The following NR2C2 variants were observed in gnomAD, a reference collection of about 807,000 sequenced individuals.
The protein encoded by NR2C2 is Nuclear hormone receptor TR4.
Under a neutral mutation model 62.9 loss-of-function variants are expected in NR2C2, and 6 were observed. The observed-to-expected ratio is 0.10, with a 90% CI of 0.05 to 0.19. NR2C2 has a LOEUF of 0.19. Among genes scored for constraint, NR2C2 ranks in the 10% least tolerant of loss-of-function variants. NR2C2 has a pLI of 1.00. For synonymous variants in NR2C2, 272 were observed against 273.8 expected, an observed-to-expected ratio of 0.99 and a Z score of 0.07; for missense variants, 479 against 762.7, an observed-to-expected ratio of 0.63 and a Z score of 4.38.
intron 1 of NR2C2, among the ~76,000 whole-genome samples, chr3:14,994,546 G>GTTT (rs1358198404): frequency 6.8e-6 from 1 of 147,180 alleles, no homozygotes; most frequent in Non-Finnish European, 1.5e-5. Flanking sequence ...GGGTTTAAGC[G>GTTT]ATTCTTCTGC....
rs1371479067 is a variant in NR2C2 at position 15,017,363 on chromosome 3, T to C, written c.376+1109T>C. On this transcript the variant is annotated intron_variant, in intron 4 of 13. Transcript: ENST00000425241. The stretch of plus-strand genomic sequence containing the variant: ...GCTGCTTGTGATTCTGATTGCCCTT[T>C]CCTACAGATTAATCACTTGTTGCAT... Among the ~76,000 whole-genome samples the C allele has an allele frequency of 3.3e-5, 5 of 152,300 alleles. No individual in the cohort carries two copies. The East Asian group carries it at 9.6e-4, about 29-fold the overall frequency.
At chr3:14,996,853 C>T (rs979332916) in intron 1 of NR2C2, among the ~76,000 whole-genome samples, 10 of 152,220 alleles carry the variant, frequency 6.6e-5, no homozygotes, top group Non-Finnish European at 1.5e-4. Flanking sequence ...TCAGCCACCA[C>T]GCCTGGCTAG....
intron 1 of NR2C2, among the ~76,000 whole-genome samples, chr3:14,987,872 G>C (rs1472284155): frequency 6.6e-6 from 1 of 152,088 alleles, no homozygotes; most frequent in African/African-American, 2.4e-5. Flanking sequence ...TTTGTGTCTT[G>C]TGTTTTTATA....
chr3:15,007,159 G>T (rs1192383215), intron 2 of NR2C2, among the ~76,000 whole-genome samples: 1 of 126,744 alleles, frequency 7.9e-6, no homozygotes, highest in Non-Finnish European at 1.6e-5. Flanking sequence ...GCGGAGTCTC[G>T]CTCTGTCGCC....
In NR2C2 at chr3:15,007,708, C is replaced by A. The variant is rs556885918; in HGVS notation, c.72+3722C>A. 2.2e-4 allele frequency among the ~76,000 whole-genome samples: 33 copies of A among 152,156 alleles called. 4 individuals carry two copies. The highest frequency in any genetic ancestry group is 2.1e-3 in the South Asian group (10 of 4,824). On this transcript the variant is annotated intron_variant, in intron 2 of 13. Transcript: ENST00000425241. Reference sequence around the variant, plus strand: ...CATGGTAAAAAGTCTTGACTTTTTCCTCAGGAGCGATTTGATAAGATGAAA... The same window carrying A: ...CATGGTAAAAAGTCTTGACTTTTTCATCAGGAGCGATTTGATAAGATGAAA...
chr3:14,988,929 T>A (rs1486240530), intron 1 of NR2C2, among the ~76,000 whole-genome samples: 1 of 152,178 alleles, frequency 6.6e-6, no homozygotes, highest in Non-Finnish European at 1.5e-5. Context: ...GTGAATTTAT[T>A]CTCAAATGTT....
intron 3 of NR2C2, among the ~76,000 whole-genome samples, chr3:15,014,943 A>G (rs931661593): frequency 6.6e-6 from 1 of 152,212 alleles, no homozygotes; most frequent in African/African-American, 2.4e-5. Context: ...GGGAGGTTCT[A>G]CTATGAAGAA....
Position 15,013,801 on chromosome 3 carries a change from G to A in NR2C2, c.273+12G>A. On this transcript the variant is annotated intron_variant, in intron 3 of 13. Transcript: ENST00000425241. Reference sequence around the variant, plus strand: ...CTGGCAGGATCCAGGTAAGGCCTTTGGACAGGTATTTGTTTCAGCACTTCT... The same window carrying A: ...CTGGCAGGATCCAGGTAAGGCCTTTAGACAGGTATTTGTTTCAGCACTTCT... 2 of 1,613,768 alleles carry A rather than the reference G, an allele frequency of 1.2e-6. No individual in the cohort carries two copies. The highest frequency in any genetic ancestry group is 1.7e-6 in the Non-Finnish European group (2 of 1,179,696).
rs1290828116 is a variant in NR2C2, at chr3:15,044,922, AATT to A, written c.*1917_*1919del. 9 of 152,274 alleles carry A rather than the reference AATT, an allele frequency of 5.9e-5. No individual in the cohort carries two copies. Among genetic ancestry groups the A allele is most frequent in the African/African-American group, 2.2e-4 (9 of 41,468 alleles). 9.4% of individuals were successfully genotyped at this position (152,274 alleles called of 1,614,324 possible). A position where few individuals can be genotyped will look rare whatever the true frequency, so the allele number is the denominator to read the frequency against. ...AACTTCTAAATTCTTGTTTGGATTT[AATT>A]ATATCATTTTATAATTCTTGCCTTG... On this transcript the variant is annotated 3_prime_UTR_variant, in exon 14 of 14. Transcript: ENST00000425241.
chr3:14,982,503 TTTAAG>T (rs561269367), intron 1 of NR2C2, among the ~76,000 whole-genome samples: 56 of 152,286 alleles, frequency 3.7e-4, no homozygotes, highest in Non-Finnish European at 5.1e-4. Flanking sequence ...TTTCAATTTA[TTTAAG>T]TTTTCTTTGA....
chr3:14,960,750 G>A (rs2039666875), intron 1 of NR2C2, among the ~76,000 whole-genome samples: 1 of 152,134 alleles, frequency 6.6e-6, no homozygotes, highest in African/African-American at 2.4e-5. Context: ...ATTTTTTAAT[G>A]TACAGTACCT....
chr3:14,986,200 A>G (rs959024423), intron 1 of NR2C2, among the ~76,000 whole-genome samples: 1 of 152,152 alleles, frequency 6.6e-6, no homozygotes, highest in Non-Finnish European at 1.5e-5. Context: ...AAAAATCAAT[A>G]TATAATAATA....
chr3:14,983,797 C>A (rs1021666738), intron 1 of NR2C2, among the ~76,000 whole-genome samples: 1 of 152,064 alleles, frequency 6.6e-6, no homozygotes, highest in Non-Finnish European at 1.5e-5. Context: ...ATAAGTTGTA[C>A]CTTCTTCAAA....
intron 2 of NR2C2, among the ~76,000 whole-genome samples, chr3:15,008,328 C>G (rs1180387105): frequency 6.6e-6 from 1 of 151,300 alleles, no homozygotes; most frequent in Non-Finnish European, 1.5e-5. Context: ...TCAAGACCAG[C>G]CTGGGCAACC....
intron 12 of NR2C2, 25 bp from the exon 13 acceptor site, chr3:15,039,097 G>GGA (rs547206377): frequency 1.3e-6 from 2 of 1,538,524 alleles, no homozygotes; most frequent in South Asian, 2.2e-5. Context: ...GAGGGAACTG[G>GGA]GGGGGGGTAC....
At chr3:15,000,814 GTTTTT>G (rs60214973) in intron 1 of NR2C2, among the ~76,000 whole-genome samples, 2 of 127,052 alleles carry the variant, frequency 1.6e-5, no homozygotes, top group African/African-American at 3.0e-5. Flanking sequence ...ATTTATTTAG[GTTTTT>G]TTTTTTTTTT....
At position 15,022,398 on chromosome 3, in the gene NR2C2, C is replaced by CCT. The variant is rs1194260332; in HGVS notation, c.557-802_557-801insCT. Among the ~76,000 whole-genome samples the CCT allele has an allele frequency of 3.0e-3, 266 of 89,130 alleles. 2 individuals are homozygous for CCT. Among genetic ancestry groups the CCT allele is most frequent in the African/African-American group, 9.8e-3 (248 of 25,180 alleles). 58.5% of individuals were successfully genotyped at this position (89,130 alleles called of 152,430 possible). A position where few individuals can be genotyped will look rare whatever the true frequency, so the allele number is the denominator to read the frequency against. ...GGGCATTTCTTTTTTCTTTTTCTTT[C>CCT]TTTTTTTTTTTTTTTTTTTTTTGAG... is the stretch of plus-strand genomic sequence containing the variant. On this transcript the variant is annotated intron_variant, in intron 5 of 13. Coordinates refer to ENST00000425241, the MANE Select transcript of NR2C2 (RefSeq NM_001291694.2).
rs563140882 is a variant in NR2C2, at chr3:15,046,662, C to G, written c.*3654C>G. ...GTTGCCCACTTTCCAGTGTAAATGA[C>G]TTTATGTGCAATGGGGTCATAGGTA... On this transcript the variant is annotated 3_prime_UTR_variant, in exon 14 of 14. Transcript: ENST00000425241. 6.6e-6 allele frequency: 1 copy of G among 152,346 alleles called. No homozygotes were observed. Among genetic ancestry groups the G allele is most frequent in the Admixed American group, 6.5e-5 (1 of 15,276 alleles). The allele number at this position is 152,346 out of a possible 1,614,324, so 9.4% of individuals were successfully genotyped here.
chr3:15,020,749 T>G lies in NR2C2; in HGVS notation c.377-4T>G. 1 of 1,612,754 alleles carries G rather than the reference T, an allele frequency of 6.2e-7. No homozygotes were observed. Among genetic ancestry groups the G allele is most frequent in the South Asian group, 1.1e-5 (1 of 91,020 alleles). ...ATATTTGTGTATTCTTTCTCCTGTT[T>G]CAGGCCGTCACTATGGGGCTGTCAG... On this transcript the variant is annotated splice_polypyrimidine_tract_variant and splice_region_variant and intron_variant, in intron 4 of 13. Coordinates refer to ENST00000425241, the MANE Select transcript of NR2C2 (RefSeq NM_001291694.2).
Sources: allele counts gnomAD v4.1 joint callset (sites outside exome capture counted in the v4.1 genomes callset), GRCh38; gene constraint gnomAD v4.1.1; transcripts MANE v1.5; gene names NCBI Gene and HGNC (gene_info 2026-07-23, HGNC 2026-07-21).